The following SLC5A11 variants were observed in gnomAD, a reference collection of about 807,000 sequenced individuals.
SLC5A11 encodes sodium/myo-inositol cotransporter 2.
A neutral mutation model predicts 69.8 loss-of-function variants in SLC5A11; 48 were observed. That is an observed-to-expected ratio of 0.69 (90% CI 0.55 to 0.87). SLC5A11 has a LOEUF of 0.87. Ranked by LOEUF, SLC5A11 falls within the 40% of genes least tolerant of loss-of-function variation. The pLI is 0.00. For synonymous variants in SLC5A11, 319 were observed against 342.4 expected, an observed-to-expected ratio of 0.93 and a Z score of 0.75; for missense variants, 784 against 866.1, an observed-to-expected ratio of 0.91 and a Z score of 1.19.
chr16:24,867,018 A>G (rs2046963011), intron 3 of SLC5A11, among the ~76,000 whole-genome samples: 2 of 152,190 alleles, frequency 1.3e-5, no homozygotes, highest in South Asian at 4.1e-4. Flanking sequence ...GAACAACACT[A>G]TAAACCAACT....
At chr16:24,858,207 G>C (rs2059615127) in intron 1 of SLC5A11, among the ~76,000 whole-genome samples, 1 of 152,200 alleles carries the variant, frequency 6.6e-6, no homozygotes, top group African/African-American at 2.4e-5. Context: ...AGATTATGGT[G>C]TCTGGCTGAG....
At chr16:24,907,706 C>CAA (rs34270068) in intron 12 of SLC5A11, among the ~76,000 whole-genome samples, 47 of 145,522 alleles carry the variant, frequency 3.2e-4, no homozygotes, top group Admixed American at 4.8e-4. Flanking sequence ...GACTCTGTCT[C>CAA]AAAAAAAAAA....
intron 7 of SLC5A11, among the ~76,000 whole-genome samples, chr16:24,880,092 G>A (rs1448508297): frequency 6.6e-6 from 1 of 152,076 alleles, no homozygotes; most frequent in Admixed American, 6.6e-5. Context: ...TCTCCACAGT[G>A]GCTGAACTAA....
intron 10 of SLC5A11, among the ~76,000 whole-genome samples, chr16:24,905,076 G>A (rs2049919304): frequency 1.3e-5 from 2 of 151,800 alleles, no homozygotes; most frequent in Admixed American, 6.6e-5. Flanking sequence ...TGCTGGGAAT[G>A]ATGGTTTCCA....
intron 1 of SLC5A11, among the ~76,000 whole-genome samples, chr16:24,852,249 C>T (rs987498049): frequency 6.6e-6 from 1 of 152,146 alleles, no homozygotes; most frequent in Admixed American, 6.6e-5. Flanking sequence ...CAAATACAAT[C>T]ACAGCTCACC....
intron 4 of SLC5A11, among the ~76,000 whole-genome samples, chr16:24,871,414 G>C (rs2152302571): frequency 6.6e-6 from 1 of 152,128 alleles, no homozygotes; most frequent in East Asian, 1.9e-4. Flanking sequence ...GGGACCACAG[G>C]TGCACGCCAC....
intron 14 of SLC5A11, among the ~76,000 whole-genome samples, chr16:24,909,382 G>A (rs2050322493): frequency 1.3e-5 from 2 of 152,098 alleles, no homozygotes; most frequent in Non-Finnish European, 2.9e-5. Context: ...GCTCATGCCT[G>A]TAATCCCAGC....
At chr16:24,870,046 A>T in intron 4 of SLC5A11, 41 bp downstream of exon 5, 1 of 1,373,010 alleles carries the variant, frequency 7.3e-7, no homozygotes, top group Non-Finnish European at 1.0e-6. Flanking sequence ...TCTTACCTCT[A>T]CCTAACAGGT....
chr16:24,879,252 T>C (rs1246822916), intron 7 of SLC5A11, among the ~76,000 whole-genome samples: 1 of 151,922 alleles, frequency 6.6e-6, no homozygotes, highest in Non-Finnish European at 1.5e-5. Context: ...TACATGCAGG[T>C]TTGTTAATAG....
intron 1 of SLC5A11, among the ~76,000 whole-genome samples, chr16:24,856,595 T>C (rs1389812212): frequency 5.4e-5 from 1 of 18,590 alleles, no homozygotes; most frequent in Non-Finnish European, 1.0e-4. Flanking sequence ...CTACTAAAAA[T>C]ACAAAAAAAA....
exon 10 of SLC5A11, chr16:24,898,109 G>C: frequency 1.9e-6 from 3 of 1,613,816 alleles, no homozygotes; most frequent in Non-Finnish European, 1.7e-6. Flanking sequence ...CCTCTTCCCA[G>C]GTGAGAACAC....
chr16:24,911,166 C>CA (rs59292009), intron 15 of SLC5A11, among the ~76,000 whole-genome samples, 162 bp from the exon 17 acceptor site: 11,166 of 65,562 alleles, frequency 0.17, 885 homozygotes, highest in African/African-American at 0.25. Flanking sequence ...GAGACTCTCT[C>CA]AAAAAAAAAA....
intron 13 of SLC5A11, among the ~76,000 whole-genome samples, chr16:24,908,418 G>A (rs1180576576): frequency 6.6e-6 from 1 of 152,000 alleles, no homozygotes; most frequent in Non-Finnish European, 1.5e-5. Context: ...GGCCAACATG[G>A]TGAAAGCCCA....
rs1182615959 is a variant in SLC5A11, at chr16:24,849,572, C to CAAAAAA, written c.-25+3151_-25+3156dup. Among the ~76,000 whole-genome samples, 168 of 38,462 alleles carry CAAAAAA rather than the reference C, an allele frequency of 4.4e-3. 12 individuals carry two copies. Among genetic ancestry groups the CAAAAAA allele is most frequent in the African/African-American group, 0.017 (144 of 8,506 alleles). The allele number at this position is 38,462 out of a possible 152,430, so 25.2% of individuals were successfully genotyped here. A position where few individuals can be genotyped will look rare whatever the true frequency, so the allele number is the denominator to read the frequency against. ...ACAGAGCGAGACTCTGCCTTGGGGG[C>CAAAAAA]AAAAAAAAAAAAAAAAAAAAAATAT... is the stretch of plus-strand genomic sequence containing the variant. On this transcript the variant is annotated intron_variant, in intron 1 of 15. Coordinates refer to ENST00000347898, the Ensembl canonical transcript of SLC5A11.
chr16:24,895,342 A>T (rs977718666), intron 9 of SLC5A11, among the ~76,000 whole-genome samples: 10 of 151,490 alleles, frequency 6.6e-5, no homozygotes, highest in South Asian at 4.2e-4. Context: ...TACAAAAATT[A>T]GCCGGGCATG....
chr16:24,850,598 A>T (rs1433472501), intron 1 of SLC5A11, among the ~76,000 whole-genome samples: 1 of 151,758 alleles, frequency 6.6e-6, no homozygotes, highest in East Asian at 1.9e-4. Flanking sequence ...ACCAAGGTCC[A>T]CGTGTCTCGG....
exon 2 of SLC5A11, chr16:24,858,755 T>C (rs755618567): frequency 1.2e-6 from 2 of 1,611,518 alleles, no homozygotes; most frequent in Non-Finnish European, 1.7e-6. Context: ...GTACTTCCTC[T>C]TTGTCCTGGC....
intron 1 of SLC5A11, among the ~76,000 whole-genome samples, chr16:24,850,060 C>T (rs2059231883): frequency 6.6e-6 from 1 of 152,128 alleles, no homozygotes; most frequent in East Asian, 1.9e-4. Context: ...GCCTCAGCCT[C>T]CCAAATAGCC....
intron 3 of SLC5A11, among the ~76,000 whole-genome samples, chr16:24,868,357 A>G (rs1393366769): frequency 4.6e-5 from 7 of 151,110 alleles, no homozygotes; most frequent in Non-Finnish European, 3.0e-5. Flanking sequence ...TTGGGAGGCC[A>G]AGGTGGGCAG....
Sources: allele counts gnomAD v4.1 joint callset (sites outside exome capture counted in the v4.1 genomes callset), GRCh38; gene constraint gnomAD v4.1.1; transcripts MANE v1.5; gene names NCBI Gene and HGNC (gene_info 2026-07-23, HGNC 2026-07-21).